The following ATRNL1 variants were observed in gnomAD, a reference collection of about 807,000 sequenced individuals.
ATRNL1 encodes attractin-like protein 1.
Under a neutral mutation model 182.7 loss-of-function variants are expected in ATRNL1, and 95 were observed. The ratio of observed to expected loss-of-function variants is 0.52; its 90% CI spans 0.44 to 0.62. ATRNL1 has a LOEUF of 0.62. ATRNL1 is among the 20% of genes least tolerant of loss of function. The pLI is 0.00. For missense variants in ATRNL1, 1,471 were observed against 1,679.5 expected (o/e 0.88, Z 2.17); for synonymous variants, 576 against 568.3 (o/e 1.01, Z -0.19).
At chr10:115,198,810 A>C (rs1554891655) in intron 8 of ATRNL1, among the ~76,000 whole-genome samples, 1 of 152,134 alleles carries the variant, frequency 6.6e-6, no homozygotes, top group South Asian at 2.1e-4. Flanking sequence ...AAGTTAATTG[A>C]CTATAAATGT....
At chr10:115,250,506 T>G (rs1464696807) in intron 10 of ATRNL1, among the ~76,000 whole-genome samples, 5 of 152,182 alleles carry the variant, frequency 3.3e-5, no homozygotes, top group Admixed American at 3.3e-4. Context: ...TAGACTTCAC[T>G]GACAGCAGAG....
chr10:115,754,075 C>T (rs1329991011), intron 27 of ATRNL1, among the ~76,000 whole-genome samples: 2 of 152,074 alleles, frequency 1.3e-5, no homozygotes, highest in Non-Finnish European at 2.9e-5. Context: ...GATATTAGCC[C>T]TTTGTCAGAT....
chr10:115,178,213 G>A (rs1053041145), intron 8 of ATRNL1, among the ~76,000 whole-genome samples: 6 of 151,954 alleles, frequency 3.9e-5, no homozygotes, highest in Non-Finnish European at 8.8e-5. Context: ...CCTGGCCAAG[G>A]ACGGGAAATT....
chr10:115,469,915 G>A (rs1848225264), intron 24 of ATRNL1, among the ~76,000 whole-genome samples: 2 of 150,454 alleles, frequency 1.3e-5, no homozygotes, highest in Admixed American at 1.3e-4. Flanking sequence ...GTCAAGGTTT[G>A]TGTTCTTAAT....
intron 26 of ATRNL1, among the ~76,000 whole-genome samples, chr10:115,667,061 G>A (rs1365549524): frequency 6.6e-6 from 1 of 152,080 alleles, no homozygotes; most frequent in African/African-American, 2.4e-5. Flanking sequence ...TTTTGGTAGT[G>A]TACCAGGTAT....
At chr10:115,356,919 T>C (rs1856529672) in intron 19 of ATRNL1, among the ~76,000 whole-genome samples, 1 of 151,954 alleles carries the variant, frequency 6.6e-6, no homozygotes, top group South Asian at 2.1e-4. Flanking sequence ...TATGTAATTT[T>C]GAAAACTATT....
chr10:115,717,131 GACCTTTT>G (rs1555056523), intron 26 of ATRNL1, among the ~76,000 whole-genome samples: 1 of 152,046 alleles, frequency 6.6e-6, no homozygotes, highest in East Asian at 1.9e-4. Flanking sequence ...ATACAAAATT[GACCTTTT>G]GATACTTATT....
At chr10:115,451,543 A>T (rs1278752192) in intron 21 of ATRNL1, among the ~76,000 whole-genome samples, 1 of 152,216 alleles carries the variant, frequency 6.6e-6, no homozygotes, top group East Asian at 1.9e-4. Flanking sequence ...AGAAATGCAA[A>T]TCAAAACCAC....
chr10:115,294,583 T>C (rs782448255), intron 15 of ATRNL1, among the ~76,000 whole-genome samples: 1 of 152,260 alleles, frequency 6.6e-6, no homozygotes, highest in Non-Finnish European at 1.5e-5. Flanking sequence ...TGATATTTCA[T>C]ATGTTTACTT....
intron 20 of ATRNL1, among the ~76,000 whole-genome samples, chr10:115,399,764 G>A (rs1403393436): frequency 6.6e-6 from 1 of 151,846 alleles, no homozygotes; most frequent in Non-Finnish European, 1.5e-5. Flanking sequence ...ATGGTGTTAG[G>A]TTGTTAACTT....
At chr10:115,918,637 A>C (rs1164108234) in intron 28 of ATRNL1, among the ~76,000 whole-genome samples, 2 of 152,326 alleles carry the variant, frequency 1.3e-5, no homozygotes, top group Admixed American at 6.5e-5. Context: ...AAGGGGATAA[A>C]ACACACAGCC....
At chr10:115,294,564 T>C (rs920986166) in intron 15 of ATRNL1, among the ~76,000 whole-genome samples, 7 of 152,240 alleles carry the variant, frequency 4.6e-5, no homozygotes, top group Non-Finnish European at 8.8e-5. Flanking sequence ...TTATTTTGAA[T>C]TTTCTTTCTG....
intron 8 of ATRNL1, among the ~76,000 whole-genome samples, chr10:115,213,794 C>T (rs1279137423): frequency 1.3e-5 from 2 of 151,992 alleles, no homozygotes; most frequent in Non-Finnish European, 2.9e-5. Context: ...GAGATAGTTA[C>T]TGAGAACTGT....
chr10:115,239,153 ATTAT>A (rs1424524834), intron 9 of ATRNL1, among the ~76,000 whole-genome samples: 1 of 151,674 alleles, frequency 6.6e-6, no homozygotes, highest in African/African-American at 2.4e-5. Context: ...CTTGATCCAT[ATTAT>A]TTATTTACTG....
At chr10:115,223,567 C>T (rs1367073501) in intron 9 of ATRNL1, among the ~76,000 whole-genome samples, 1 of 151,008 alleles carries the variant, frequency 6.6e-6, no homozygotes, top group Non-Finnish European at 1.5e-5. Context: ...CTGGTAGTAC[C>T]AGGAGACCAA....
At chr10:115,698,426 A>G (rs1946629131) in intron 26 of ATRNL1, among the ~76,000 whole-genome samples, 1 of 152,124 alleles carries the variant, frequency 6.6e-6, no homozygotes, top group Non-Finnish European at 1.5e-5. Flanking sequence ...TTTTCTTAAC[A>G]TGTGGCATAC....
At chr10:115,119,534 T>C (rs1844636966) in intron 1 of ATRNL1, among the ~76,000 whole-genome samples, 1 of 152,196 alleles carries the variant, frequency 6.6e-6, no homozygotes, top group South Asian at 2.1e-4. Context: ...GATTTTTGTT[T>C]TAAAGATTTT....
At chr10:115,184,579 A>T (rs1847871313) in intron 8 of ATRNL1, among the ~76,000 whole-genome samples, 1 of 151,766 alleles carries the variant, frequency 6.6e-6, no homozygotes, top group Non-Finnish European at 1.5e-5. Context: ...TATGTTGGTT[A>T]TTTACAAGGG....
At chr10:115,745,102 G>A (rs998580643) in intron 27 of ATRNL1, among the ~76,000 whole-genome samples, 4 of 151,600 alleles carry the variant, frequency 2.6e-5, no homozygotes, top group Non-Finnish European at 5.9e-5. Flanking sequence ...TTATAGTTTT[G>A]CCTTTCCCAG....
Sources: gnomAD v4.1 joint callset for allele counts (sites outside exome capture counted in the v4.1 genomes callset) on GRCh38, gnomAD v4.1.1 for gene constraint, MANE v1.5 for transcripts, NCBI Gene and HGNC (gene_info 2026-07-23, HGNC 2026-07-21) for gene names.